The following ADGRL4 variants were observed in gnomAD, a reference collection of about 807,000 sequenced individuals.
The protein encoded by ADGRL4 is adhesion G protein-coupled receptor L4, also known as EGF, latrophilin and seven transmembrane domain containing 1.
A neutral mutation model predicts 74.8 loss-of-function variants in ADGRL4; 90 were observed. The observed-to-expected ratio is 1.20, with a 90% CI of 1.02 to 1.43. The LOEUF (loss-of-function observed/expected upper bound fraction) is 1.43, where lower values mean the gene tolerates loss of function less well. Among genes scored for constraint, ADGRL4 ranks in the 40% most tolerant of loss-of-function variants. The pLI is 0.00. For synonymous variants in ADGRL4, 311 were observed against 279.2 expected (o/e 1.11, Z -1.14); for missense variants, 881 against 814.3 (o/e 1.08, Z -1.00).
At chr1:78,911,764 C>G (rs1648767671) in intron 12 of ADGRL4, among the ~76,000 whole-genome samples, 1 of 151,632 alleles carries the variant, frequency 6.6e-6, no homozygotes, top group Non-Finnish European at 1.5e-5. Context: ...TAAGATTATC[C>G]TCCAGAATGT....
chr1:78,965,466 T>G (rs1650036410), intron 2 of ADGRL4, among the ~76,000 whole-genome samples: 1 of 152,144 alleles, frequency 6.6e-6, no homozygotes, highest in South Asian at 2.1e-4. Flanking sequence ...AATCAAGTGT[T>G]AATTTAAAAA....
At chr1:78,951,211 CTT>C (rs1378200070) in intron 2 of ADGRL4, among the ~76,000 whole-genome samples, 1 of 152,142 alleles carries the variant, frequency 6.6e-6, no homozygotes, top group Non-Finnish European at 1.5e-5. Context: ...TTATTGCACT[CTT>C]GTTTTGCCTC....
At chr1:78,998,267 TC>T (rs1181238014) in intron 2 of ADGRL4, among the ~76,000 whole-genome samples, 2 of 151,948 alleles carry the variant, frequency 1.3e-5, no homozygotes, top group Admixed American at 6.6e-5. Flanking sequence ...TTTTTTTTTT[TC>T]AATTCACTTA....
chr1:78,912,855 T>C (rs544259899), intron 12 of ADGRL4, among the ~76,000 whole-genome samples: 3 of 151,834 alleles, frequency 2.0e-5, no homozygotes, highest in South Asian at 2.1e-4. Context: ...AGACAACCTA[T>C]GGAATGGAAG....
At chr1:78,903,934 AAAATAAATAAATAAATAAAT>A (rs141234701) in intron 12 of ADGRL4, among the ~76,000 whole-genome samples, 18,632 of 141,528 alleles carry the variant, frequency 0.13, 1,469 homozygotes, top group East Asian at 0.25. Flanking sequence ...GACTCCATAT[AAAATAAATAAATAAATAAAT>A]AAATAAATAA....
chr1:78,948,179 A>G (rs1465161139), intron 2 of ADGRL4, among the ~76,000 whole-genome samples: 2 of 152,084 alleles, frequency 1.3e-5, no homozygotes, highest in African/African-American at 4.8e-5. Flanking sequence ...TTTAATCCCT[A>G]GCATTTGACC....
intron 1 of ADGRL4, among the ~76,000 whole-genome samples, chr1:79,006,089 A>G (rs1650956592): frequency 6.6e-6 from 1 of 152,218 alleles, no homozygotes; most frequent in Admixed American, 6.5e-5. Flanking sequence ...CTTGAGGACC[A>G]ACAGCTATGA....
chr1:78,995,667 T>A (rs1226581773), intron 2 of ADGRL4, among the ~76,000 whole-genome samples: 4 of 152,210 alleles, frequency 2.6e-5, no homozygotes, highest in Admixed American at 6.5e-5. Context: ...CAAGAATTAG[T>A]TGAACTGGAA....
intron 7 of ADGRL4, among the ~76,000 whole-genome samples, chr1:78,933,986 G>A (rs1649299168): frequency 6.6e-6 from 1 of 152,046 alleles, no homozygotes; most frequent in Admixed American, 6.6e-5. Flanking sequence ...AATCAATATC[G>A]TGAAAATGGC....
In ADGRL4 at chr1:78,963,719, T is replaced by G. The variant is rs28429868; in HGVS notation, c.173-17293A>C. On this transcript the variant is annotated intron_variant, in intron 2 of 14. Transcript: ENST00000370742. ...AATTTTACATGATTTCTTCATAAAA[T>G]GAGATGAAAATAAATGTATACATGG... 5.3e-5 allele frequency among the ~76,000 whole-genome samples: 8 copies of G among 152,038 alleles called. No individual in the cohort carries two copies. The East Asian group carries it at 1.5e-3, about 29-fold the overall frequency.
rs1016501508 is a variant in ADGRL4 at position 78,938,201 on chromosome 1, T to C, written c.475A>G (p.Ile159Val). Reference sequence around the variant, plus strand: ...GCTAATATTTCTATATATGTAATTATATCTGTTGGTGAAAGATCTGTCACA... The same window carrying C: ...GCTAATATTTCTATATATGTAATTACATCTGTTGGTGAAAGATCTGTCACA... ...NSVTDLSPTDIITYIEILAES... is the reference protein window; with the variant it reads ...NSVTDLSPTDVITYIEILAES... The change falls in exon 5 of 15, where the codon ATA becomes GTA. Residue 159 changes from isoleucine to valine, a missense_variant. Physicochemically the swap from Ile to Val is conservative, Grantham distance 29 (BLOSUM62 3). Transcript: ENST00000370742. The C allele has an allele frequency of 2.5e-6, 4 of 1,611,778 alleles. No homozygotes were observed. The highest frequency in any genetic ancestry group is 3.4e-6 in the Non-Finnish European group (4 of 1,179,050).
intron 7 of ADGRL4, among the ~76,000 whole-genome samples, chr1:78,935,540 A>C (rs1570239969): frequency 2.1e-5 from 3 of 140,476 alleles, no homozygotes; most frequent in Non-Finnish European, 3.2e-5. Flanking sequence ...AAAAAAAAAA[A>C]AACAAACCTA....
chr1:78,907,568 A>C (rs541958842), intron 12 of ADGRL4, among the ~76,000 whole-genome samples: 35 of 152,108 alleles, frequency 2.3e-4, no homozygotes, highest in Admixed American at 3.3e-4. Context: ...AAAAGAAAAA[A>C]ATGGGCTTCT....
chr1:78,943,075 C>G (rs1481081925), intron 3 of ADGRL4, among the ~76,000 whole-genome samples: 2 of 151,834 alleles, frequency 1.3e-5, no homozygotes, highest in African/African-American at 4.8e-5. Flanking sequence ...ATCAATAATA[C>G]AGTTTTCTAA....
chr1:78,994,348 T>C, intron 2 of ADGRL4, among the ~76,000 whole-genome samples: 1 of 152,210 alleles, frequency 6.6e-6, no homozygotes, highest in East Asian at 1.9e-4. Flanking sequence ...TCTAAGTGCT[T>C]GATTCTTGCA....
At chr1:78,937,722 A>AC (rs1463863520) in intron 6 of ADGRL4, 85 bp downstream of exon 6, 5 of 1,222,872 alleles carry the variant, frequency 4.1e-6, no homozygotes, top group Non-Finnish European at 5.8e-6. Context: ...TAGTTTCAAC[A>AC]CCATGCCTCC....
At chr1:78,947,291 G>T (rs1037628644) in intron 2 of ADGRL4, among the ~76,000 whole-genome samples, 1 of 152,166 alleles carries the variant, frequency 6.6e-6, no homozygotes, top group African/African-American at 2.4e-5. Context: ...GGTCATACTC[G>T]ATTATGGTGG....
chr1:78,960,104 G>A (rs1649919201), intron 2 of ADGRL4, among the ~76,000 whole-genome samples: 1 of 152,118 alleles, frequency 6.6e-6, no homozygotes, highest in Non-Finnish European at 1.5e-5. Context: ...ATCCCTCATT[G>A]CTTATTGATG....
At chr1:78,998,651 C>G (rs990926194) in intron 2 of ADGRL4, among the ~76,000 whole-genome samples, 2 of 152,114 alleles carry the variant, frequency 1.3e-5, no homozygotes, top group African/African-American at 4.8e-5. Context: ...CAGGCGTCAG[C>G]CACCGCACCC....
Sources: gnomAD v4.1 joint callset for allele counts (sites outside exome capture counted in the v4.1 genomes callset) on GRCh38, gnomAD v4.1.1 for gene constraint, MANE v1.5 for transcripts, NCBI Gene and HGNC (gene_info 2026-07-23, HGNC 2026-07-21) for gene names.